PHACTR3: variants seen among roughly 807,000 people sequenced by gnomAD.
PHACTR3 encodes the protein phosphatase and actin regulator 3.
Under a neutral mutation model 66.8 loss-of-function variants are expected in PHACTR3, and 16 were observed. The observed-to-expected ratio is 0.24, with a 90% CI of 0.16 to 0.36. The LOEUF (loss-of-function observed/expected upper bound fraction) is 0.36. Ranked by LOEUF, PHACTR3 falls within the 10% of genes least tolerant of loss-of-function variation. The probability of loss-of-function intolerance (pLI) is 1.00; values close to 1 mark genes in which losing one functional copy is unlikely to be tolerated. For missense variants in PHACTR3, 647 were observed against 719.9 expected (o/e 0.90, Z 1.16); for synonymous variants, 323 against 292.1 (o/e 1.11, Z -1.08).
intron 1 of PHACTR3, among the ~76,000 whole-genome samples, chr20:59,579,612 A>G (rs573748932): frequency 1.4e-4 from 21 of 152,336 alleles, no homozygotes; most frequent in Middle Eastern, 3.4e-3. Context: ...CCCGAGGCCA[A>G]TGGCAGGTTC....
intron 1 of PHACTR3, among the ~76,000 whole-genome samples, chr20:59,655,726 G>A (rs563731019): frequency 2.6e-5 from 4 of 151,390 alleles, no homozygotes; most frequent in South Asian, 2.1e-4. Context: ...TACTCTTTTC[G>A]AGTGGAGGAT....
chr20:59,581,384 G>C (rs1016384313), intron 1 of PHACTR3, among the ~76,000 whole-genome samples: 4 of 152,168 alleles, frequency 2.6e-5, no homozygotes, highest in African/African-American at 9.7e-5. Flanking sequence ...TGAGAGCCAA[G>C]CACCTCCCCA....
chr20:59,649,200 T>C (rs2035382322), intron 1 of PHACTR3, among the ~76,000 whole-genome samples: 1 of 152,148 alleles, frequency 6.6e-6, no homozygotes. Context: ...GAAAAGCAAA[T>C]AGCAAATAAC....
intron 1 of PHACTR3, among the ~76,000 whole-genome samples, chr20:59,716,799 A>G (rs1291556962): frequency 6.6e-6 from 1 of 152,118 alleles, no homozygotes; most frequent in East Asian, 1.9e-4. Context: ...CACCAATGAT[A>G]CTCTTGTGCC....
rs146153315 is a variant in PHACTR3, at chr20:59,666,761, C to T, written c.118+61629C>T. Among the ~76,000 whole-genome samples, 57 of 152,194 alleles carry T rather than the reference C, an allele frequency of 3.7e-4. 1 individual carries two copies. Among genetic ancestry groups the T allele is most frequent in the African/African-American group, 8.9e-4 (37 of 41,522 alleles). On this transcript the variant is annotated intron_variant, in intron 1 of 12. Coordinates refer to ENST00000371015, the MANE Select transcript of PHACTR3 (RefSeq NM_080672.5). ...TTCCACATGCAGACTGAAGCAGGGG[C>T]GGGAGCCCACTCCCGGAGAGGAAGG...
chr20:59,604,168 C>T (rs2033572351), upstream of PHACTR3, among the ~76,000 whole-genome samples: 1 of 152,136 alleles, frequency 6.6e-6, no homozygotes, highest in Non-Finnish European at 1.5e-5. Flanking sequence ...TCAGGTCGCT[C>T]CCCTCCGGTG....
chr20:59,779,576 C>A (rs1252064099), intron 7 of PHACTR3, among the ~76,000 whole-genome samples: 1 of 152,230 alleles, frequency 6.6e-6, no homozygotes, highest in African/African-American at 2.4e-5. Flanking sequence ...ATCGCAACAA[C>A]TACTATTTTA....
chr20:59,658,953 C>CTTTTTTTTT (rs764286425), intron 1 of PHACTR3, among the ~76,000 whole-genome samples: 1 of 131,262 alleles, frequency 7.6e-6, no homozygotes. Context: ...GCTTACTTGT[C>CTTTTTTTTT]TTTTTTTTTT....
chr20:59,612,609 C>T (rs2033888520), intron 1 of PHACTR3, among the ~76,000 whole-genome samples: 1 of 152,162 alleles, frequency 6.6e-6, no homozygotes, highest in South Asian at 2.1e-4. Context: ...TGGTCTTGAA[C>T]TCTTGACCTT....
intron 7 of PHACTR3, among the ~76,000 whole-genome samples, chr20:59,780,737 G>C (rs1201966280): frequency 2.0e-5 from 3 of 152,138 alleles, no homozygotes; most frequent in Non-Finnish European, 4.4e-5. Context: ...AGAGAGACTT[G>C]CTGCAGGATT....
chr20:59,822,095 G>A (rs1193998566), intron 8 of PHACTR3, among the ~76,000 whole-genome samples: 93 of 53,840 alleles, frequency 1.7e-3, no homozygotes, highest in African/African-American at 4.6e-3. Context: ...CTTCTCCAGC[G>A]ATCCCACCCC....
At chr20:59,601,400 T>C (rs1000347494), upstream of PHACTR3, among the ~76,000 whole-genome samples, 6 of 152,244 alleles carry the variant, frequency 3.9e-5, no homozygotes, top group African/African-American at 1.2e-4. Flanking sequence ...TGTTCGTAAT[T>C]TTTTGGCCAT....
chr20:59,616,957 G>A (rs1049649244), intron 1 of PHACTR3, among the ~76,000 whole-genome samples: 6 of 152,074 alleles, frequency 3.9e-5, no homozygotes, highest in South Asian at 2.1e-4. Flanking sequence ...GGCTTTCCCC[G>A]CTCGCTTCCC....
chr20:59,725,851 G>C (rs1041616816), intron 1 of PHACTR3, among the ~76,000 whole-genome samples: 2 of 152,198 alleles, frequency 1.3e-5, no homozygotes, highest in African/African-American at 2.4e-5. Flanking sequence ...TGAGAGGCTG[G>C]GAGTTGGCCT....
At chr20:59,678,859 G>A (rs757118612) in intron 1 of PHACTR3, among the ~76,000 whole-genome samples, 10 of 151,972 alleles carry the variant, frequency 6.6e-5, no homozygotes, top group Non-Finnish European at 1.3e-4. Context: ...AGCAAGCAGT[G>A]GTTCTCACAT....
At chr20:59,792,469 C>A (rs2041133393) in intron 7 of PHACTR3, among the ~76,000 whole-genome samples, 1 of 152,210 alleles carries the variant, frequency 6.6e-6, no homozygotes, top group Non-Finnish European at 1.5e-5. Context: ...TCCTCCACAT[C>A]CTCTCCAATA....
At chr20:59,837,498 C>T (rs772038020) in intron 9 of PHACTR3, among the ~76,000 whole-genome samples, 6 of 152,154 alleles carry the variant, frequency 3.9e-5, no homozygotes, top group Non-Finnish European at 8.8e-5. Context: ...CTAAAACAAT[C>T]CCCTCCTTTA....
intron 1 of PHACTR3, among the ~76,000 whole-genome samples, chr20:59,684,033 G>A (rs889802701): frequency 1.3e-5 from 2 of 152,192 alleles, no homozygotes; most frequent in African/African-American, 4.8e-5. Context: ...GAACAGACTT[G>A]GGGGATGAGA....
At chr20:59,771,425 G>T (rs936127633) in intron 5 of PHACTR3, among the ~76,000 whole-genome samples, 14 of 152,166 alleles carry the variant, frequency 9.2e-5, no homozygotes, top group Admixed American at 9.2e-4. Flanking sequence ...TGCCCTGCCT[G>T]GCCACTTCTT....
Sources: gnomAD v4.1 joint callset for allele counts (sites outside exome capture counted in the v4.1 genomes callset) on GRCh38, gnomAD v4.1.1 for gene constraint, MANE v1.5 for transcripts, NCBI Gene and HGNC (gene_info 2026-07-23, HGNC 2026-07-21) for gene names.